Variants in TAFA2 observed in about 807,000 individuals in gnomAD.
The protein encoded by TAFA2 is chemokine-like protein TAFA-2.
In TAFA2, 7 loss-of-function variants were observed where a neutral mutation model predicts 18.8. The ratio of observed to expected loss-of-function variants is 0.37; its 90% confidence interval spans 0.21 to 0.70. The LOEUF is 0.70. TAFA2 is among the 30% of genes least tolerant of loss of function. The pLI is 0.53. For missense variants in TAFA2, 122 were observed against 158.1 expected (o/e 0.77, Z 1.23); for synonymous variants, 60 against 54.2 (o/e 1.11, Z -0.47).
At chr12:62,143,166 A>T (rs1487124605) in intron 1 of TAFA2, among the ~76,000 whole-genome samples, 1 of 152,202 alleles carries the variant, frequency 6.6e-6, no homozygotes, top group Non-Finnish European at 1.5e-5. Flanking sequence ...GATGGCTGCA[A>T]CATGTAGGGT....
chr12:62,016,916 G>A (rs1428638288), intron 1 of TAFA2, among the ~76,000 whole-genome samples: 1 of 152,174 alleles, frequency 6.6e-6, no homozygotes, highest in African/African-American at 2.4e-5. Flanking sequence ...CAGGGGAGTT[G>A]GAAGGCAATG....
intron 1 of TAFA2, among the ~76,000 whole-genome samples, chr12:61,875,238 A>G (rs926117817): frequency 6.6e-6 from 1 of 152,082 alleles, no homozygotes; most frequent in Non-Finnish European, 1.5e-5. Context: ...CAGTGACTGT[A>G]GATAGTTTGA....
chr12:61,910,881 C>T (rs564869175), intron 1 of TAFA2, among the ~76,000 whole-genome samples: 1 of 152,340 alleles, frequency 6.6e-6, no homozygotes, highest in Admixed American at 6.5e-5. Flanking sequence ...CTTCAAAGCT[C>T]TAACACTGCC....
intron 1 of TAFA2, among the ~76,000 whole-genome samples, chr12:62,118,916 A>G (rs1870077801): frequency 6.6e-6 from 1 of 152,140 alleles, no homozygotes; most frequent in Admixed American, 6.5e-5. Flanking sequence ...ACATCTCTTT[A>G]ATGAACTAAA....
intron 1 of TAFA2, among the ~76,000 whole-genome samples, chr12:61,949,291 G>C (rs1327268152): frequency 6.6e-6 from 1 of 152,072 alleles, no homozygotes; most frequent in African/African-American, 2.4e-5. Flanking sequence ...GGAAACATCA[G>C]CTCTTCTTGG....
At chr12:62,018,982 AAAAC>A (rs1368115047) in intron 1 of TAFA2, among the ~76,000 whole-genome samples, 3 of 152,192 alleles carry the variant, frequency 2.0e-5, no homozygotes, top group Non-Finnish European at 4.4e-5. Context: ...TTATAAGAAA[AAAAC>A]AAACAACCCC....
intron 1 of TAFA2, among the ~76,000 whole-genome samples, chr12:62,171,023 T>C (rs112734760): frequency 6.6e-6 from 1 of 152,330 alleles, no homozygotes; most frequent in Non-Finnish European, 1.5e-5. Context: ...TAGTTTACCA[T>C]CTAACATCAA....
chr12:61,963,335 C>G (rs754574596), intron 1 of TAFA2, among the ~76,000 whole-genome samples: 4 of 151,876 alleles, frequency 2.6e-5, no homozygotes, highest in African/African-American at 9.7e-5. Context: ...ATTCCTGTTT[C>G]GCCACATCCT....
chr12:61,906,803 G>T (rs904129088), intron 1 of TAFA2, among the ~76,000 whole-genome samples: 1 of 152,194 alleles, frequency 6.6e-6, no homozygotes, highest in African/African-American at 2.4e-5. Flanking sequence ...TGAGGAACTT[G>T]TTGGGAACTG....
chr12:62,192,728 CCT>C lies in TAFA2; in HGVS notation c.-1473_-1472del, dbSNP rs1315809306. On this transcript the variant is annotated 5_prime_UTR_variant, in exon 1 of 5. Transcript: ENST00000416284. ...GGCAGGGCCGGGCGGCGTTGCCTCG[CCT>C]CTCTCTCCCAACAGCCAGTTCTGTT... The C allele has an allele frequency of 6.6e-6, 1 of 152,220 alleles. No individual in the cohort carries two copies. The highest frequency in any genetic ancestry group is 2.4e-5 in the African/African-American group (1 of 41,432). The allele number at this position is 152,220 out of a possible 1,614,324, so 9.4% of individuals were successfully genotyped here.
chr12:61,795,127 TGGTGG>T (rs1871139216), intron 2 of TAFA2, among the ~76,000 whole-genome samples: 1 of 152,170 alleles, frequency 6.6e-6, no homozygotes, highest in Non-Finnish European at 1.5e-5. Context: ...TTTACACTGT[TGGTGG>T]GACTGTAAAC....
At chr12:61,799,473 G>A (rs746511106) in intron 2 of TAFA2, among the ~76,000 whole-genome samples, 5 of 152,012 alleles carry the variant, frequency 3.3e-5, no homozygotes, top group Non-Finnish European at 7.4e-5. Flanking sequence ...GACTACTATC[G>A]AAGTCTCACC....
chr12:62,020,796 C>G (rs12831463), intron 1 of TAFA2, among the ~76,000 whole-genome samples: 53,845 of 151,968 alleles, frequency 0.35, 9,941 homozygotes, highest in Non-Finnish European at 0.39. Context: ...TGGCAGATAT[C>G]ACAATGGCCA....
intron 1 of TAFA2, among the ~76,000 whole-genome samples, chr12:61,895,539 C>T (rs1027780739): frequency 2.6e-5 from 4 of 152,084 alleles, no homozygotes; most frequent in Non-Finnish European, 5.9e-5. Context: ...AAAGCAAGCA[C>T]AAATACAGTG....
At chr12:61,726,292 G>A (rs1483109874) in intron 4 of TAFA2, among the ~76,000 whole-genome samples, 24 of 151,810 alleles carry the variant, frequency 1.6e-4, no homozygotes, top group Admixed American at 1.6e-3. Flanking sequence ...GTATTTAGAT[G>A]GGAATGCATT....
Position 62,144,223 on chromosome 12 carries a change from G to A in TAFA2, c.-2+47036C>T, listed in dbSNP as rs75538600. On this transcript the variant is annotated intron_variant, in intron 1 of 4. Coordinates refer to ENST00000416284, the MANE Select transcript of TAFA2 (RefSeq NM_178539.5). ...AAGATACATTTCAATATAGTACAGA[G>A]AATGAGATGTTAGGCAACCTCCTGT... 4.4e-3 allele frequency among the ~76,000 whole-genome samples: 675 copies of A among 152,140 alleles called. 6 individuals carry two copies. The highest frequency in any genetic ancestry group is 0.015 in the African/African-American group (625 of 41,502).
intron 1 of TAFA2, chr12:62,234,881 TC>T: frequency 2.0e-6 from 2 of 1,022,164 alleles, no homozygotes; most frequent in Non-Finnish European, 3.1e-6. Flanking sequence ...GCTCGGGGCA[TC>T]CCACGATCAT....
intron 1 of TAFA2, among the ~76,000 whole-genome samples, chr12:62,161,279 A>G (rs563184961): frequency 5.3e-5 from 8 of 152,360 alleles, no homozygotes; most frequent in African/African-American, 1.9e-4. Flanking sequence ...CACTATTCAC[A>G]TCGCAAAGAT....
intron 1 of TAFA2, among the ~76,000 whole-genome samples, chr12:62,019,133 TCACACCAGTTAG>T (rs1438385520): frequency 1.3e-5 from 2 of 152,144 alleles, no homozygotes; most frequent in Non-Finnish European, 2.9e-5. Context: ...AGATACCATC[TCACACCAGTTAG>T]AATGGCAATC....
Sources: gnomAD v4.1 joint callset for allele counts (sites outside exome capture counted in the v4.1 genomes callset) on GRCh38, gnomAD v4.1.1 for gene constraint, MANE v1.5 for transcripts, NCBI Gene and HGNC (gene_info 2026-07-23, HGNC 2026-07-21) for gene names.